CACNA1B: variants seen among roughly 807,000 people sequenced by gnomAD.
The protein encoded by CACNA1B is voltage-dependent N-type calcium channel subunit alpha-1B.
Under a neutral mutation model 247.2 loss-of-function variants are expected in CACNA1B, and 70 were observed. The observed-to-expected ratio is 0.28, with a 90% CI of 0.23 to 0.35. The LOEUF is 0.35. Ranked by LOEUF, CACNA1B falls within the 10% of genes least tolerant of loss-of-function variation. CACNA1B has a pLI of 1.00. For missense variants in CACNA1B, 2,367 were observed against 3,197.4 expected, an observed-to-expected ratio of 0.74 and a Z score of 6.26; for synonymous variants, 1,231 against 1,294.4, an observed-to-expected ratio of 0.95 and a Z score of 1.05.
chr9:137,943,743 G>A (rs1957761457), intron 6 of CACNA1B, among the ~76,000 whole-genome samples: 1 of 152,148 alleles, frequency 6.6e-6, no homozygotes. Context: ...AGGAGGGGGT[G>A]GTTGTCAGCA....
chr9:138,014,347 C>T lies in CACNA1B; in HGVS notation c.2267+1112C>T, dbSNP rs1045790921. ...CCAGGAAGATGGTGTTTGCGGAGGGCCTGTCTCTAAGCCTAGCAGAAAGTG... is the reference window on the plus strand; with the variant it reads ...CCAGGAAGATGGTGTTTGCGGAGGGTCTGTCTCTAAGCCTAGCAGAAAGTG... On this transcript the variant is annotated intron_variant, in intron 18 of 46. Coordinates refer to ENST00000371372, the MANE Select transcript of CACNA1B (RefSeq NM_000718.4). This position sits in a 1 kb window ranked among gnomAD's most constrained non-coding sequence, Gnocchi z 6.2. 6.6e-6 allele frequency among the ~76,000 whole-genome samples: 1 copy of T among 152,104 alleles called. No individual in the cohort carries two copies. The highest frequency in any genetic ancestry group is 2.4e-5 in the African/African-American group (1 of 41,412).
Position 138,053,827 on chromosome 9 carries a change from T to C in CACNA1B, c.3808-19T>C, listed in dbSNP as rs770232194. On this transcript the variant is annotated intron_variant, in intron 25 of 46. Coordinates refer to ENST00000371372, the MANE Select transcript of CACNA1B (RefSeq NM_000718.4). ...CATGATTCCACCCCCTCATCATGGC[T>C]CCACCCCTCCTCCTGCAGGCTGTGT... 2.8e-5 allele frequency: 44 copies of C among 1,586,702 alleles called. No homozygotes were observed. The highest frequency in any genetic ancestry group is 3.6e-5 in the Non-Finnish European group (42 of 1,163,000).
chr9:137,898,674 T>TA (rs779051106), intron 3 of CACNA1B, among the ~76,000 whole-genome samples: 9 of 151,432 alleles, frequency 5.9e-5, no homozygotes, highest in South Asian at 4.2e-4. Flanking sequence ...CCTGAATACT[T>TA]AAAAAAAATT....
chr9:137,973,306 G>T lies in CACNA1B; in HGVS notation c.1543+1714G>T, dbSNP rs536218383. 6.6e-6 allele frequency among the ~76,000 whole-genome samples: 1 copy of T among 152,172 alleles called. No individual in the cohort carries two copies. Among genetic ancestry groups the T allele is most frequent in the African/African-American group, 2.4e-5 (1 of 41,442 alleles). On this transcript the variant is annotated intron_variant, in intron 11 of 46. Coordinates refer to ENST00000371372, the MANE Select transcript of CACNA1B (RefSeq NM_000718.4). This position sits in a 1 kb window ranked among gnomAD's most constrained non-coding sequence, Gnocchi z 4.1. ...AATGTGGGCAGTGTCCCTGACAGCC[G>T]GGCTGGGCCTGAGGGAGGCTTGCTC...
chr9:138,105,230 G>A (rs1207866743), intron 38 of CACNA1B, among the ~76,000 whole-genome samples: 1 of 152,198 alleles, frequency 6.6e-6, no homozygotes, highest in Non-Finnish European at 1.5e-5. Flanking sequence ...ACTGGGAGCT[G>A]GGCCCCAGAG....
chr9:137,919,923 G>C lies in CACNA1B; in HGVS notation c.966+2492G>C, dbSNP rs1957458676. On this transcript the variant is annotated intron_variant, in intron 6 of 46. Transcript: ENST00000371372. This position sits in a 1 kb window ranked among gnomAD's most constrained non-coding sequence, Gnocchi z 4.6. ...GCAGGCGGAGTCAAATGGAGCTTTG[G>C]GAGAACACACGGATGAGCCTGGGGA... Among the ~76,000 whole-genome samples the C allele has an allele frequency of 6.6e-6, 1 of 152,184 alleles. No homozygotes were observed. The highest frequency in any genetic ancestry group is 1.5e-5 in the Non-Finnish European group (1 of 68,030).
rs903612328 is a variant in CACNA1B, at chr9:138,051,605, C to T, written c.3711-487C>T. Among the ~76,000 whole-genome samples, 6 of 151,926 alleles carry T rather than the reference C, an allele frequency of 3.9e-5. No homozygotes were observed. The highest frequency in any genetic ancestry group is 3.9e-4 in the East Asian group (2 of 5,124). ...CTTCCCGCTGTCGGTTTCACGTCAG[C>T]GGGAGGAATGTTAGGACGGCTGAGG... On this transcript the variant is annotated intron_variant, in intron 24 of 46. Coordinates refer to ENST00000371372, the MANE Select transcript of CACNA1B (RefSeq NM_000718.4). The surrounding 1 kb of genome is among the most constrained non-coding windows in gnomAD (Gnocchi z 4.3).
Position 137,914,918 on chromosome 9 carries a change from G to A in CACNA1B, c.775+112G>A, listed in dbSNP as rs1273176136. 8.5e-7 allele frequency: 1 copy of A among 1,178,874 alleles called. No homozygotes were observed. The highest frequency in any genetic ancestry group is 2.7e-5 in the Admixed American group (1 of 36,638). 73.0% of individuals were successfully genotyped at this position (1,178,874 alleles called of 1,614,324 possible). On this transcript the variant is annotated intron_variant, in intron 5 of 46. Transcript: ENST00000371372. This position sits in a 1 kb window ranked among gnomAD's most constrained non-coding sequence, Gnocchi z 4.3. ...GCCTTCTTGGTGCCAGATACATGAG[G>A]TGGAGCTGACATTCTAGTGGGGGAC...
intron 36 of CACNA1B, among the ~76,000 whole-genome samples, chr9:138,095,403 T>C (rs1021574486): frequency 1.3e-5 from 2 of 152,190 alleles, no homozygotes; most frequent in African/African-American, 4.8e-5. Flanking sequence ...AAAACTACAA[T>C]GAGATACCTC....
intron 36 of CACNA1B, among the ~76,000 whole-genome samples, chr9:138,091,267 AG>A (rs1960869400): frequency 6.6e-6 from 1 of 152,244 alleles, no homozygotes; most frequent in South Asian, 2.1e-4. Flanking sequence ...CATTATGTTA[AG>A]GTAAATAAGT....
At chr9:138,015,997 C>T (rs1408951292) in intron 18 of CACNA1B, among the ~76,000 whole-genome samples, 7 of 152,088 alleles carry the variant, frequency 4.6e-5, no homozygotes, top group Non-Finnish European at 1.0e-4. Flanking sequence ...CACACTTATA[C>T]ACAAGTACAC....
At chr9:138,046,661 C>T (rs901520692) in intron 21 of CACNA1B, among the ~76,000 whole-genome samples, 1 of 152,250 alleles carries the variant, frequency 6.6e-6, no homozygotes, top group East Asian at 1.9e-4. Flanking sequence ...TTGACCCCTG[C>T]CATGAGGTTC....
chr9:138,074,861 G>A (rs1278590327), intron 34 of CACNA1B, among the ~76,000 whole-genome samples: 1 of 152,262 alleles, frequency 6.6e-6, no homozygotes, highest in Non-Finnish European at 1.5e-5. Context: ...TGAAGGACAG[G>A]CCTGACCCGC....
intron 42 of CACNA1B, 57 bp from the exon 43 acceptor site, chr9:138,117,889 G>C (rs1301974423): frequency 6.3e-6 from 9 of 1,434,812 alleles, no homozygotes; most frequent in Admixed American, 2.1e-5. Context: ...CCAGGCTATT[G>C]GTAAGGCACC....
chr9:137,993,308 CTAGA>C (rs1024334042), intron 15 of CACNA1B, among the ~76,000 whole-genome samples: 46 of 132,360 alleles, frequency 3.5e-4, no homozygotes, highest in South Asian at 2.5e-4. Context: ...TTTTATCTAT[CTAGA>C]TAGATAAAAT....
chr9:138,054,648 C>T lies in CACNA1B; in HGVS notation c.3968+642C>T, dbSNP rs142280927. Among the ~76,000 whole-genome samples the T allele has an allele frequency of 7.9e-4, 120 of 152,342 alleles. 1 individual carries two copies. The highest frequency in any genetic ancestry group is 2.8e-3 in the African/African-American group (115 of 41,572). On this transcript the variant is annotated intron_variant, in intron 26 of 46. Transcript: ENST00000371372. The surrounding 1 kb of genome is among the most constrained non-coding windows in gnomAD (Gnocchi z 4.6). ...CAGCTGGGAATGCTGCACGTGCACA[C>T]GTCCGCCAGGGAGCAGTAGCAGTTT... is the stretch of plus-strand genomic sequence containing the variant.
intron 36 of CACNA1B, among the ~76,000 whole-genome samples, chr9:138,088,072 A>G (rs994766614): frequency 1.3e-5 from 2 of 152,140 alleles, no homozygotes; most frequent in South Asian, 2.1e-4. Flanking sequence ...CAAAAGATCA[A>G]CGAAATGAAA....
intron 3 of CACNA1B, among the ~76,000 whole-genome samples, chr9:137,886,337 C>G (rs536494762): frequency 6.6e-6 from 1 of 152,070 alleles, no homozygotes; most frequent in African/African-American, 2.4e-5. Context: ...CCTCAGGCCA[C>G]GGGGAGGAGG....
In CACNA1B at chr9:138,057,066, G is replaced by C. The variant is rs1959533065; in HGVS notation, c.3969-666G>C. Reference sequence around the variant, plus strand: ...TTCTCCTGCCTCAGCCTCCCGAGTAGCTGGGACTATAGGCGCCCGCCACCA... The same window carrying C: ...TTCTCCTGCCTCAGCCTCCCGAGTACCTGGGACTATAGGCGCCCGCCACCA... On this transcript the variant is annotated intron_variant, in intron 26 of 46. Coordinates refer to ENST00000371372, the MANE Select transcript of CACNA1B (RefSeq NM_000718.4). The surrounding 1 kb of genome is among the most constrained non-coding windows in gnomAD (Gnocchi z 4.0). 6.6e-6 allele frequency among the ~76,000 whole-genome samples: 1 copy of C among 151,380 alleles called. No homozygotes were observed. Among genetic ancestry groups the C allele is most frequent in the Admixed American group, 6.6e-5 (1 of 15,194 alleles).
Sources: gnomAD v4.1 joint callset for allele counts (sites outside exome capture counted in the v4.1 genomes callset) on GRCh38, gnomAD v4.1.1 for gene constraint, Gnocchi (gnomAD v3.1) non-coding constraint, MANE v1.5 for transcripts, NCBI Gene and HGNC (gene_info 2026-07-23, HGNC 2026-07-21) for gene names.